GPM6A: variants seen among roughly 807,000 people sequenced by gnomAD.
The protein encoded by GPM6A is neuronal membrane glycoprotein M6-a.
A neutral mutation model predicts 32.1 loss-of-function variants in GPM6A; 7 were observed. That is an observed-to-expected ratio of 0.22 (90% CI 0.12 to 0.41). The LOEUF (loss-of-function observed/expected upper bound fraction) is 0.41. GPM6A is among the 10% of genes least tolerant of loss of function. The pLI is 1.00. For synonymous variants in GPM6A, 130 were observed against 123.4 expected (o/e 1.05, Z -0.35); for missense variants, 235 against 347.2 (o/e 0.68, Z 2.57).
intron 1 of GPM6A, among the ~76,000 whole-genome samples, chr4:175,923,927 G>T (rs1439464503): frequency 6.6e-6 from 1 of 152,146 alleles, no homozygotes; most frequent in Non-Finnish European, 1.5e-5. Context: ...AAGACAACAA[G>T]CATGAAGAGT....
chr4:175,739,969 A>G (rs953455439), intron 1 of GPM6A, among the ~76,000 whole-genome samples: 2 of 152,088 alleles, frequency 1.3e-5, no homozygotes, highest in African/African-American at 4.8e-5. Context: ...AATACAAAAA[A>G]CCTTCAAAAA....
intron 1 of GPM6A, among the ~76,000 whole-genome samples, chr4:175,867,730 T>G (rs1242668748): frequency 6.6e-6 from 1 of 152,166 alleles, no homozygotes; most frequent in Non-Finnish European, 1.5e-5. Flanking sequence ...AGTCCTGCAG[T>G]TTTATTCTTT....
intron 1 of GPM6A, among the ~76,000 whole-genome samples, chr4:175,847,332 C>T (rs1017542998): frequency 1.3e-5 from 2 of 152,174 alleles, no homozygotes; most frequent in South Asian, 2.1e-4. Flanking sequence ...CAGGGTCAAC[C>T]GCAGTCCAAA....
intron 1 of GPM6A, among the ~76,000 whole-genome samples, chr4:175,897,624 C>T (rs1009089565): frequency 3.3e-5 from 5 of 152,118 alleles, no homozygotes; most frequent in African/African-American, 7.2e-5. Flanking sequence ...ACTGTAAAAA[C>T]GTTAGAGACC....
intron 1 of GPM6A, among the ~76,000 whole-genome samples, chr4:175,918,874 A>C (rs12498892): frequency 0.97 from 148,186 of 152,116 alleles, 72,312 homozygotes; most frequent in East Asian, 1. Context: ...GCATTCTTTT[A>C]TGATTTGTCT....
At chr4:175,963,222 A>G (rs1740222953) in intron 1 of GPM6A, among the ~76,000 whole-genome samples, 1 of 152,122 alleles carries the variant, frequency 6.6e-6, no homozygotes, top group African/African-American at 2.4e-5. Flanking sequence ...GAGGGAGAGA[A>G]AAGAACAGAA....
chr4:175,986,041 C>T lies in GPM6A; in HGVS notation c.-23+16268G>A, dbSNP rs1054071984. 2.6e-5 allele frequency among the ~76,000 whole-genome samples: 4 copies of T among 151,450 alleles called. No homozygotes were observed. The East Asian group carries it at 5.8e-4, about 22-fold the overall frequency. ...GGCTGGTCTCGAACTCTTGACCTTGCGATCTGCCCCCCTCAGCCTCCCAAA... is the reference window on the plus strand; with the variant it reads ...GGCTGGTCTCGAACTCTTGACCTTGTGATCTGCCCCCCTCAGCCTCCCAAA... On this transcript the variant is annotated intron_variant, in intron 1 of 7. Transcript: ENST00000280187.
rs570264955 is a variant in GPM6A at position 175,896,731 on chromosome 4, G to A, written c.-22-84482C>T. Among the ~76,000 whole-genome samples, 14 of 152,138 alleles carry A rather than the reference G, an allele frequency of 9.2e-5. No individual in the cohort carries two copies. In the South Asian group the frequency reaches 2.9e-3, roughly 32 times the overall value. ...TTCTTGGGGTGGGGGCAGGAGACAGGGTAGAATCTGGGGAGAAATACATAA... is the reference window on the plus strand; with the variant it reads ...TTCTTGGGGTGGGGGCAGGAGACAGAGTAGAATCTGGGGAGAAATACATAA... On this transcript the variant is annotated intron_variant, in intron 1 of 7. Transcript: ENST00000280187.
chr4:175,658,382 G>C (rs1355828124), intron 3 of GPM6A, among the ~76,000 whole-genome samples: 2 of 152,130 alleles, frequency 1.3e-5, no homozygotes, highest in Non-Finnish European at 2.9e-5. Context: ...AAAAAGTATG[G>C]AGACAGTAAA....
chr4:175,732,308 C>G (rs886386417), intron 1 of GPM6A, among the ~76,000 whole-genome samples: 1 of 152,090 alleles, frequency 6.6e-6, no homozygotes, highest in Admixed American at 6.6e-5. Flanking sequence ...TACAGTAGCA[C>G]ACATTTTTCT....
chr4:175,672,026 G>C (rs1401253881), intron 3 of GPM6A, among the ~76,000 whole-genome samples: 1 of 149,692 alleles, frequency 6.7e-6, no homozygotes, highest in East Asian at 1.9e-4. Flanking sequence ...CTCATGTTTT[G>C]CTTCGAAAAT....
In GPM6A at chr4:175,663,064, C is replaced by T. The variant is rs545869718; in HGVS notation, c.387+10616G>A. On this transcript the variant is annotated intron_variant, in intron 3 of 6. Transcript: ENST00000393658. ...TTTAATCAGAAGAATTTTTCTAAAG[C>T]GCAAAACTAATTACAATGTAGGATC... 1.3e-4 allele frequency among the ~76,000 whole-genome samples: 20 copies of T among 152,216 alleles called. 1 individual carries two copies. Among genetic ancestry groups the T allele is most frequent in the South Asian group, 1.0e-3 (5 of 4,832 alleles).
intron 1 of GPM6A, chr4:175,947,700 TA>T (rs1739655213): frequency 6.6e-6 from 1 of 152,136 alleles, no homozygotes; most frequent in Non-Finnish European, 1.5e-5. Context: ...ATCACTCAGC[TA>T]AAATAAAAAA....
chr4:175,730,370 G>A (rs1160804465), intron 1 of GPM6A, among the ~76,000 whole-genome samples: 1 of 152,038 alleles, frequency 6.6e-6, no homozygotes, highest in Non-Finnish European at 1.5e-5. Context: ...AGCCTCCCGA[G>A]TAGCTGGGAC....
At chr4:175,810,805 A>C (rs1734888770) in intron 1 of GPM6A, among the ~76,000 whole-genome samples, 1 of 152,232 alleles carries the variant, frequency 6.6e-6, no homozygotes, top group Non-Finnish European at 1.5e-5. Flanking sequence ...TTGTAAGAAC[A>C]GAAATTACCA....
intron 1 of GPM6A, among the ~76,000 whole-genome samples, chr4:175,983,917 C>T (rs1312650463): frequency 6.6e-6 from 1 of 151,996 alleles, no homozygotes; most frequent in Non-Finnish European, 1.5e-5. Context: ...TTCTTTGTTG[C>T]AAGCTTTACA....
chr4:175,639,408 C>T (rs183444639), intron 6 of GPM6A, among the ~76,000 whole-genome samples: 1 of 152,236 alleles, frequency 6.6e-6, no homozygotes, highest in East Asian at 1.9e-4. Flanking sequence ...CTGTCACAGT[C>T]GTGAGGTTAC....
intron 1 of GPM6A, among the ~76,000 whole-genome samples, chr4:175,914,552 A>G (rs1404525829): frequency 6.6e-6 from 1 of 152,140 alleles, no homozygotes. Flanking sequence ...GGAACTCCTG[A>G]TCTCAAGTGA....
chr4:175,868,100 A>G (rs891088178), intron 1 of GPM6A, among the ~76,000 whole-genome samples: 8 of 152,332 alleles, frequency 5.3e-5, no homozygotes, highest in African/African-American at 1.9e-4. Flanking sequence ...AGAGTTGTCC[A>G]CATCAAGCCT....
Sources: allele counts gnomAD v4.1 joint callset (sites outside exome capture counted in the v4.1 genomes callset), GRCh38; gene constraint gnomAD v4.1.1; transcripts MANE v1.5; gene names NCBI Gene and HGNC (gene_info 2026-07-23, HGNC 2026-07-21).